BSPH1: variants seen among roughly 807,000 people sequenced by gnomAD.
The protein encoded by BSPH1 is binder of sperm protein homolog 1.
A neutral mutation model predicts 22.5 loss-of-function variants in BSPH1; 21 were observed. The observed-to-expected ratio is 0.93, with a 90% CI of 0.66 to 1.35. BSPH1 has a LOEUF of 1.35. Ranked by LOEUF, BSPH1 falls within the 40% of genes most tolerant of loss-of-function variation. BSPH1 has a pLI of 0.00. For synonymous variants in BSPH1, 42 were observed against 53.6 expected, an observed-to-expected ratio of 0.78 and a Z score of 0.95; for missense variants, 141 against 154.2, an observed-to-expected ratio of 0.91 and a Z score of 0.45.
intron 5 of BSPH1, among the ~76,000 whole-genome samples, chr19:47,970,016 T>TGA (rs922654439): frequency 0.019 from 2,922 of 150,280 alleles, 40 homozygotes; most frequent in Middle Eastern, 0.039. Flanking sequence ...TGTGTGTGTG[T>TGA]GAGAGAGAGA....
At chr19:47,987,000 G>T (rs561888873) in intron 1 of BSPH1, among the ~76,000 whole-genome samples, 1 of 152,130 alleles carries the variant, frequency 6.6e-6, no homozygotes, top group Non-Finnish European at 1.5e-5. Flanking sequence ...GTGACTATGC[G>T]TGCTTGTCTT....
At chr19:47,980,422 A>C in intron 2 of BSPH1, 1 of 518,710 alleles carries the variant, frequency 1.9e-6, no homozygotes, top group Non-Finnish European at 2.5e-6. Flanking sequence ...GACATGTTTA[A>C]TCACCCAAAA....
intron 1 of BSPH1, among the ~76,000 whole-genome samples, chr19:47,987,342 T>C (rs542880194): frequency 6.6e-6 from 1 of 152,168 alleles, no homozygotes; most frequent in East Asian, 1.9e-4. Flanking sequence ...TTTTATCTAC[T>C]GTTCTTTGTG....
At chr19:47,986,279 T>A (rs1217109474) in intron 1 of BSPH1, among the ~76,000 whole-genome samples, 1 of 152,028 alleles carries the variant, frequency 6.6e-6, no homozygotes, top group African/African-American at 2.4e-5. Flanking sequence ...AAGACAAAAC[T>A]TACGAATCTA....
chr19:47,972,839 G>GTA (rs1969322476), intron 5 of BSPH1, among the ~76,000 whole-genome samples: 1 of 151,422 alleles, frequency 6.6e-6, no homozygotes, highest in African/African-American at 2.4e-5. Flanking sequence ...GTGTGTGTGT[G>GTA]TATACCCACA....
At chr19:47,969,788 TGA>T (rs959865553) in intron 5 of BSPH1, among the ~76,000 whole-genome samples, 1 of 150,360 alleles carries the variant, frequency 6.7e-6, no homozygotes, top group Non-Finnish European at 1.5e-5. Context: ...TGTGTGTGTG[TGA>T]GAGAGACTTC....
rs187164567 is a variant in BSPH1 at position 47,987,408 on chromosome 19, C to G, written c.73+4601G>C. ...TACTTTTTTTTTTTTTTTTTGGAGA[C>G]AGAATCTCACTCTGTCACCCAGGTT... On this transcript the variant is annotated intron_variant, in intron 1 of 5. Transcript: ENST00000344839. 3.5e-5 allele frequency among the ~76,000 whole-genome samples: 5 copies of G among 141,300 alleles called. No homozygotes were observed. The East Asian group carries it at 1.0e-3, about 29-fold the overall frequency. 92.7% of individuals were successfully genotyped at this position (141,300 alleles called of 152,430 possible). A position where few individuals can be genotyped will look rare whatever the true frequency, so the allele number is the denominator to read the frequency against.
chr19:47,990,118 C>CAAAAAAA (rs11329791), intron 1 of BSPH1, among the ~76,000 whole-genome samples: 3 of 99,688 alleles, frequency 3.0e-5, no homozygotes, highest in East Asian at 3.7e-4. Flanking sequence ...GACTCCATCT[C>CAAAAAAA]AAAAAAAAAA....
At chr19:47,983,896 G>T (rs1004273819) in intron 1 of BSPH1, among the ~76,000 whole-genome samples, 111 of 151,190 alleles carry the variant, frequency 7.3e-4, no homozygotes, top group African/African-American at 2.6e-3. Flanking sequence ...GAGTGTAGTG[G>T]CACGATCTCG....
intron 1 of BSPH1, among the ~76,000 whole-genome samples, chr19:47,991,759 T>C (rs1229815953): frequency 1.1e-5 from 1 of 87,454 alleles, no homozygotes; most frequent in Admixed American, 1.3e-4. Flanking sequence ...TCCCTCCTCC[T>C]CTTCCTTCTT....
chr19:47,987,023 C>G (rs1043436316), intron 1 of BSPH1, among the ~76,000 whole-genome samples: 29 of 152,190 alleles, frequency 1.9e-4, no homozygotes, highest in African/African-American at 6.5e-4. Context: ...CTGTGTGTGT[C>G]TGTTTCCTCT....
chr19:47,971,235 G>A (rs769479133), intron 5 of BSPH1, among the ~76,000 whole-genome samples: 1 of 152,102 alleles, frequency 6.6e-6, no homozygotes, highest in Non-Finnish European at 1.5e-5. Context: ...ATGGGGTCTT[G>A]CTCTATCTTC....
At chr19:47,969,892 G>T (rs1318245914) in intron 5 of BSPH1, among the ~76,000 whole-genome samples, 1 of 151,642 alleles carries the variant, frequency 6.6e-6, no homozygotes, top group Non-Finnish European at 1.5e-5. Context: ...TTTTGTGTGT[G>T]TGAGAGAGAG....
chr19:47,969,569 G>T (rs1378614760), intron 5 of BSPH1, among the ~76,000 whole-genome samples: 1 of 151,942 alleles, frequency 6.6e-6, no homozygotes, highest in Non-Finnish European at 1.5e-5. Flanking sequence ...TGTAATATAA[G>T]GATATATTAT....
chr19:47,974,245 C>T (rs986188633), intron 5 of BSPH1, among the ~76,000 whole-genome samples: 1 of 148,570 alleles, frequency 6.7e-6, no homozygotes, highest in African/African-American at 2.5e-5. Context: ...TGGTCACTTC[C>T]ACAGCCACTT....
intron 1 of BSPH1, among the ~76,000 whole-genome samples, chr19:47,982,056 G>A (rs1969424930): frequency 6.6e-6 from 1 of 152,086 alleles, no homozygotes; most frequent in African/African-American, 2.4e-5. Flanking sequence ...AATATAGAGT[G>A]AAAAATTTGA....
chr19:47,992,046 C>T lies in BSPH1; in HGVS notation c.36G>A (p.Thr12=), dbSNP rs764877703. 7.9e-5 allele frequency: 122 copies of T among 1,550,982 alleles called. No individual in the cohort carries two copies. The highest frequency in any genetic ancestry group is 1.0e-4 in the Non-Finnish European group (115 of 1,146,518). The stretch of plus-strand genomic sequence containing the variant: ...GGAAGATGCAAGCTGAGGAATTTCG[C>T]GTCGTTTCCACGAAGAGAAGCATCA... The part of the protein sequence containing the change: ...GSLMLLFVET[T]RNSSACIFPV... The change falls in exon 1 of 6, where the codon ACG becomes ACA. Residue 12 remains threonine, a synonymous_variant. Coordinates refer to ENST00000344839, the MANE Select transcript of BSPH1 (RefSeq NM_001128326.2).
intron 1 of BSPH1, among the ~76,000 whole-genome samples, chr19:47,989,852 C>G (rs1192996354): frequency 6.6e-6 from 1 of 152,112 alleles, no homozygotes; most frequent in Non-Finnish European, 1.5e-5. Context: ...TGTGCGGTGG[C>G]TCCTGCCTAT....
rs1568398519 is a variant in BSPH1, at chr19:47,984,179, T to TAA, written c.74-3240_74-3239dup. On this transcript the variant is annotated intron_variant, in intron 1 of 5. Coordinates refer to ENST00000344839, the MANE Select transcript of BSPH1 (RefSeq NM_001128326.2). ...AAAAAAAAAAATATATATATATATATAATATAAATATATATAATATGTATA... is the reference window on the plus strand; with the variant it reads ...AAAAAAAAAAATATATATATATATATAAAATATAAATATATATAATATGTATA... 9.2e-3 allele frequency among the ~76,000 whole-genome samples: 1,330 copies of TAA among 144,868 alleles called. 22 individuals are homozygous for TAA. Among genetic ancestry groups the TAA allele is most frequent in the African/African-American group, 0.03 (1,201 of 39,844 alleles).
Sources: gnomAD v4.1 joint callset for allele counts (sites outside exome capture counted in the v4.1 genomes callset) on GRCh38, gnomAD v4.1.1 for gene constraint, MANE v1.5 for transcripts, NCBI Gene and HGNC (gene_info 2026-07-23, HGNC 2026-07-21) for gene names.